Variants in SP3 observed in about 807,000 individuals in gnomAD.
The protein encoded by SP3 is Sp3 transcription factor, also known as transcription factor Sp3.
Under a neutral mutation model 70.3 loss-of-function variants are expected in SP3, and 10 were observed. The ratio of observed to expected loss-of-function variants is 0.14; its 90% CI spans 0.09 to 0.24. The LOEUF (loss-of-function observed/expected upper bound fraction) is 0.24. Among genes scored for constraint, SP3 ranks in the 10% least tolerant of loss-of-function variants. SP3 has a pLI of 1.00. For missense variants in SP3, 825 were observed against 914.6 expected, an observed-to-expected ratio of 0.90 and a Z score of 1.26; for synonymous variants, 402 against 333.5, an observed-to-expected ratio of 1.21 and a Z score of -2.24.
At chr2:173,939,506 G>A (rs1027427858) in intron 4 of SP3, among the ~76,000 whole-genome samples, 4 of 152,112 alleles carry the variant, frequency 2.6e-5, no homozygotes, top group Non-Finnish European at 4.4e-5. Context: ...GCTCATGCCT[G>A]TAATCCCAGC....
chr2:173,949,244 A>T (rs1690639269), intron 4 of SP3, among the ~76,000 whole-genome samples: 1 of 152,160 alleles, frequency 6.6e-6, no homozygotes, highest in Non-Finnish European at 1.5e-5. Context: ...CCTTAGGTAA[A>T]ATCAGTAAGG....
chr2:173,933,562 A>G (rs1690125311), intron 4 of SP3, among the ~76,000 whole-genome samples: 1 of 149,660 alleles, frequency 6.7e-6, no homozygotes, highest in Non-Finnish European at 1.5e-5. Context: ...CCATGGCTAC[A>G]CCCAACTTCG....
intron 2 of SP3, chr2:173,964,161 G>C (rs1238450671): frequency 5.1e-6 from 2 of 392,064 alleles, no homozygotes; most frequent in African/African-American, 2.1e-5. Context: ...ACCCACCCCC[G>C]GGAGGGCACG....
Position 173,965,181 on chromosome 2 carries a change from A to T in SP3, c.-10T>A. On this transcript the variant is annotated 5_prime_UTR_variant, in exon 1 of 7. Coordinates refer to ENST00000310015, the MANE Select transcript of SP3 (RefSeq NM_003111.5). ...TTTACGTACCGGTCATAGTGTGTTT[A>T]GGGCACCTCAGGCGGGGCTCCCCGC... The T allele has an allele frequency of 6.5e-7, 1 of 1,547,136 alleles. No homozygotes were observed. Among genetic ancestry groups the T allele is most frequent in the Admixed American group, 2.0e-5 (1 of 50,794 alleles).
intron 4 of SP3, among the ~76,000 whole-genome samples, chr2:173,939,764 C>CAAACAAAAAAAAAA (rs1690309011): frequency 1.4e-5 from 1 of 70,194 alleles, no homozygotes. Context: ...GACTCCAACT[C>CAAACAAAAAAAAAA]AAAAAAAAAA....
At position 173,954,929 on chromosome 2, in the gene SP3, G is replaced by C. The variant is rs1253386694; in HGVS notation, c.1583C>G (p.Ser528Cys). The change falls in exon 4 of 7, where the codon TCT becomes TGT. Residue 528 changes from serine to cysteine, a missense_variant. Coordinates refer to ENST00000310015, the MANE Select transcript of SP3 (RefSeq NM_003111.5). ...LPNLQTVTVN[S>C]IDSAGIQLHP... is the part of the protein sequence containing the mutation. ...TAGCTGTATACCAGCAGAATCTATA[G>C]AGTTCACTGTAACTGTTTGTAGATT... 1.9e-6 allele frequency: 3 copies of C among 1,614,140 alleles called. No homozygotes were observed. Among genetic ancestry groups the C allele is most frequent in the Non-Finnish European group, 2.5e-6 (3 of 1,180,004 alleles).
rs1206440198 is a variant in SP3, at chr2:173,905,612, ACAC to A, written c.*4326_*4328del. Among the ~76,000 whole-genome samples the A allele has an allele frequency of 6.6e-6, 1 of 152,198 alleles. No homozygotes were observed. Among genetic ancestry groups the A allele is most frequent in the Non-Finnish European group, 1.5e-5 (1 of 68,034 alleles). Reference sequence around the variant, plus strand: ...ATCATGTTACATGACAATATACATGACACCTTTTTAAAAAATATATTCATATCA... The same window carrying A: ...ATCATGTTACATGACAATATACATGACTTTTTAAAAAATATATTCATATCA... On this transcript the variant is annotated 3_prime_UTR_variant, in exon 7 of 7. Transcript: ENST00000310015.
chr2:173,900,855 A>G lies in SP3; in HGVS notation c.*9086T>C, dbSNP rs570088885. Among the ~76,000 whole-genome samples the G allele has an allele frequency of 1.1e-4, 16 of 152,368 alleles. No homozygotes were observed. The highest frequency in any genetic ancestry group is 3.8e-4 in the African/African-American group (16 of 41,594). On this transcript the variant is annotated 3_prime_UTR_variant, in exon 7 of 7. Coordinates refer to ENST00000310015, the MANE Select transcript of SP3 (RefSeq NM_003111.5). ...AGAGATACAGAATTATCATGGATAG[A>G]AAGATAACATTCTTTCCCCAAATTA...
intron 4 of SP3, among the ~76,000 whole-genome samples, chr2:173,949,428 T>C (rs777971914): frequency 2.0e-4 from 30 of 151,390 alleles, no homozygotes; most frequent in Non-Finnish European, 3.7e-4. Flanking sequence ...AATACTGATA[T>C]AAATTAAAGA....
intron 4 of SP3, among the ~76,000 whole-genome samples, chr2:173,941,501 T>C (rs1189024414): frequency 6.6e-6 from 1 of 152,152 alleles, no homozygotes; most frequent in Non-Finnish European, 1.5e-5. Flanking sequence ...TCCCAGCTAC[T>C]TGGGAAGCTG....
At chr2:173,950,991 T>TA (rs1690695001) in intron 4 of SP3, among the ~76,000 whole-genome samples, 1 of 152,216 alleles carries the variant, frequency 6.6e-6, no homozygotes, top group Admixed American at 6.5e-5. Flanking sequence ...CTGGAGTATT[T>TA]ATTTTACCCT....
Position 173,906,356 on chromosome 2 carries a change from T to C in SP3, c.*3585A>G, listed in dbSNP as rs1353855481. ...GTTTCTTCAACACTAAATAAAATTA[T>C]GAGGTGATTTCACAAAAATATCAAA... On this transcript the variant is annotated 3_prime_UTR_variant, in exon 7 of 7. Transcript: ENST00000310015. 1 of 152,158 alleles carries C rather than the reference T, an allele frequency of 6.6e-6. No individual in the cohort carries two copies. The highest frequency in any genetic ancestry group is 1.5e-5 in the Non-Finnish European group (1 of 68,040). 9.4% of individuals were successfully genotyped at this position (152,158 alleles called of 1,614,324 possible). A position where few individuals can be genotyped will look rare whatever the true frequency, so the allele number is the denominator to read the frequency against.
chr2:173,917,701 G>A (rs1260478825), intron 5 of SP3, among the ~76,000 whole-genome samples: 2 of 151,986 alleles, frequency 1.3e-5, no homozygotes, highest in Non-Finnish European at 2.9e-5. Flanking sequence ...GGTTAAGTAT[G>A]GCTTTAGAGT....
Position 173,963,757 on chromosome 2 carries a change from T to C in SP3, c.279+4A>G. On this transcript the variant is annotated splice_donor_region_variant and intron_variant, in intron 3 of 6. Transcript: ENST00000310015. ...GGCGGGGGCGGGCCGCGCGCGGGAC[T>C]TACCGCTCCGGCGGCGGCGGGGGCC... The C allele has an allele frequency of 8.3e-7, 1 of 1,206,370 alleles. No homozygotes were observed. The highest frequency in any genetic ancestry group is 1.0e-6 in the Non-Finnish European group (1 of 952,716). 74.7% of individuals were successfully genotyped at this position (1,206,370 alleles called of 1,614,324 possible).
rs1690849919 is a variant in SP3 at position 173,955,448 on chromosome 2, C to T, written c.1064G>A (p.Ser355Asn). 1 of 1,613,984 alleles carries T rather than the reference C, an allele frequency of 6.2e-7. No individual in the cohort carries two copies. The highest frequency in any genetic ancestry group is 1.3e-5 in the African/African-American group (1 of 74,894). Residue 355 changes from serine to asparagine, a missense_variant, in exon 4 of 7, where the codon AGC (serine) becomes AAC (asparagine). By Grantham distance (46) the Ser-to-Asn change is conservative. Transcript: ENST00000310015. ...AACCTGCCCACTAGATGTAGTCAAG[C>T]TATTTGTGTTTTGTTGTAATATACC... The part of the protein sequence containing the change: ...STGILQQNTN[S>N]LTTSSGQVHS...
rs116068470 is a variant in SP3 at position 173,937,883 on chromosome 2, T to C, written c.1639+16990A>G. Among the ~76,000 whole-genome samples the C allele has an allele frequency of 4.8e-3, 724 of 152,332 alleles. 3 individuals carry two copies. The highest frequency in any genetic ancestry group is 0.017 in the African/African-American group (694 of 41,574). Reference sequence around the variant, plus strand: ...TTTCATCTGCAAATATTTCATTATGTACTGCTCAAAGATAAAGAACTTACA... The same window carrying C: ...TTTCATCTGCAAATATTTCATTATGCACTGCTCAAAGATAAAGAACTTACA... On this transcript the variant is annotated intron_variant, in intron 4 of 6. Transcript: ENST00000310015.
chr2:173,903,760 T>C lies in SP3; in HGVS notation c.*6181A>G, dbSNP rs934359313. ...ATCTGTTAAGAGGGCGTCCTGAAACTGTAGAGGGACTTCTAAGGCTTTTAA... is the reference window on the plus strand; with the variant it reads ...ATCTGTTAAGAGGGCGTCCTGAAACCGTAGAGGGACTTCTAAGGCTTTTAA... On this transcript the variant is annotated 3_prime_UTR_variant, in exon 7 of 7. Coordinates refer to ENST00000310015, the MANE Select transcript of SP3 (RefSeq NM_003111.5). 1.3e-5 allele frequency among the ~76,000 whole-genome samples: 2 copies of C among 152,186 alleles called. No homozygotes were observed. Among genetic ancestry groups the C allele is most frequent in the Admixed American group, 1.3e-4 (2 of 15,286 alleles).
chr2:173,913,342 C>T, intron 5 of SP3, 76 bp from the exon 6 acceptor site: 1 of 1,073,732 alleles, frequency 9.3e-7, no homozygotes, highest in South Asian at 3.2e-5. Context: ...ATCATATATC[C>T]CCATGTTGAA....
intron 4 of SP3, among the ~76,000 whole-genome samples, chr2:173,948,172 A>T (rs1297051995): frequency 6.6e-6 from 1 of 152,178 alleles, no homozygotes; most frequent in Non-Finnish European, 1.5e-5. Context: ...AATAGGATGT[A>T]ATTCTTGACC....
Sources: allele counts gnomAD v4.1 joint callset (sites outside exome capture counted in the v4.1 genomes callset), GRCh38; gene constraint gnomAD v4.1.1; transcripts MANE v1.5; gene names NCBI Gene and HGNC (gene_info 2026-07-23, HGNC 2026-07-21).